Variants in CHST9 observed in about 807,000 individuals in gnomAD.
The protein encoded by CHST9 is GalNAc-4-sulfotransferase 2.
In CHST9, 41 loss-of-function variants were observed where a neutral mutation model predicts 44.4. The ratio of observed to expected loss-of-function variants is 0.92; its 90% CI spans 0.72 to 1.20. The LOEUF (loss-of-function observed/expected upper bound fraction) is 1.20, where lower values mean the gene tolerates loss of function less well. Among genes scored for constraint, CHST9 ranks in the 50% most tolerant of loss-of-function variants. The pLI is 0.00. For synonymous variants in CHST9, 171 were observed against 178.4 expected (o/e 0.96, Z 0.33); for missense variants, 504 against 516.5 (o/e 0.98, Z 0.23).
chr18:27,138,718 T>C (rs1426970545), intron 2 of CHST9, among the ~76,000 whole-genome samples: 3 of 152,146 alleles, frequency 2.0e-5, no homozygotes, highest in African/African-American at 7.2e-5. Context: ...CCTTTAATCT[T>C]CACTGCAACC....
At chr18:26,971,175 T>A (rs1175101565) in intron 4 of CHST9, among the ~76,000 whole-genome samples, 2 of 152,160 alleles carry the variant, frequency 1.3e-5, no homozygotes, top group Non-Finnish European at 2.9e-5. Context: ...CAGTGGCTTA[T>A]TCCTCTGGGG....
At chr18:27,112,480 T>C (rs773426521) in intron 2 of CHST9, among the ~76,000 whole-genome samples, 26 of 152,154 alleles carry the variant, frequency 1.7e-4, no homozygotes, top group East Asian at 7.7e-4. Context: ...TAAGTACTTA[T>C]GTGTGGAATT....
At chr18:27,042,023 G>T (rs546308737) in intron 3 of CHST9, among the ~76,000 whole-genome samples, 1 of 152,196 alleles carries the variant, frequency 6.6e-6, no homozygotes, top group African/African-American at 2.4e-5. Context: ...CTTCAGGAAA[G>T]CTGCTTAAAA....
chr18:27,062,084 G>C (rs2057728953), intron 2 of CHST9, among the ~76,000 whole-genome samples: 2 of 152,098 alleles, frequency 1.3e-5, no homozygotes. Context: ...CTCTCTTACT[G>C]AAGCTGCACT....
chr18:27,017,257 TA>T (rs996852173), intron 4 of CHST9, among the ~76,000 whole-genome samples: 4 of 152,198 alleles, frequency 2.6e-5, no homozygotes, highest in Admixed American at 2.0e-4. Context: ...TCTTGGGACA[TA>T]ACCCCATCAT....
chr18:27,062,503 C>A (rs1187911713), intron 2 of CHST9, among the ~76,000 whole-genome samples: 5 of 152,098 alleles, frequency 3.3e-5, no homozygotes, highest in Admixed American at 6.5e-5. Context: ...ATCCTTTTTT[C>A]TGGCTGCATA....
intron 2 of CHST9, among the ~76,000 whole-genome samples, chr18:27,054,433 C>A (rs2057627517): frequency 6.6e-6 from 1 of 152,054 alleles, no homozygotes; most frequent in African/African-American, 2.4e-5. Context: ...AAAAATGGAC[C>A]ATAACCTCAT....
chr18:26,927,887 A>G (rs2055801107), intron 5 of CHST9, among the ~76,000 whole-genome samples: 1 of 152,164 alleles, frequency 6.6e-6, no homozygotes, highest in African/African-American at 2.4e-5. Flanking sequence ...AGACTATCAC[A>G]TGGGGAGAAA....
At chr18:27,092,931 G>A (rs918826459) in intron 2 of CHST9, among the ~76,000 whole-genome samples, 1 of 152,316 alleles carries the variant, frequency 6.6e-6, no homozygotes, top group East Asian at 1.9e-4. Flanking sequence ...GTTGATTTGG[G>A]GTGGAGAGTT....
intron 2 of CHST9, among the ~76,000 whole-genome samples, chr18:27,138,573 G>C (rs1292368618): frequency 1.3e-5 from 2 of 152,134 alleles, no homozygotes; most frequent in Non-Finnish European, 2.9e-5. Flanking sequence ...TTGTGGCTGA[G>C]TTTTAATTGT....
intron 2 of CHST9, among the ~76,000 whole-genome samples, chr18:27,057,319 T>G (rs746140829): frequency 6.6e-6 from 1 of 152,204 alleles, no homozygotes; most frequent in African/African-American, 2.4e-5. Context: ...CTGGGCCAAT[T>G]TGAAAACCAA....
At chr18:27,034,259 T>G (rs565354268) in intron 3 of CHST9, among the ~76,000 whole-genome samples, 1 of 152,334 alleles carries the variant, frequency 6.6e-6, no homozygotes, top group South Asian at 2.1e-4. Context: ...TGTTTTCGTA[T>G]CCTTCCACAT....
chr18:27,002,594 T>C (rs2056966983), intron 4 of CHST9, among the ~76,000 whole-genome samples: 1 of 152,212 alleles, frequency 6.6e-6, no homozygotes, highest in Non-Finnish European at 1.5e-5. Flanking sequence ...TTAGATGATT[T>C]TGCCTAACTG....
In CHST9 at chr18:26,916,754, A is replaced by G; in HGVS notation, c.837T>C (p.Val279=). The G allele has an allele frequency of 6.2e-7, 1 of 1,613,928 alleles. No individual in the cohort carries two copies. The highest frequency in any genetic ancestry group is 8.5e-7 in the Non-Finnish European group (1 of 1,179,840). Reference sequence around the variant, plus strand: ...ATACTAATCTTTCCATGGGATCACGAACAAACACAGCTTTGGTGTAAGTAT... The same window carrying G: ...ATACTAATCTTTCCATGGGATCACGGACAAACACAGCTTTGGTGTAAGTAT... ...RLNTYTKAVF[V]RDPMERLVSA... is the part of the protein sequence containing the mutation. The change falls in exon 6 of 6, where the codon GTT becomes GTC. Residue 279 remains valine (V), a synonymous_variant. Coordinates refer to ENST00000618847, the MANE Select transcript of CHST9 (RefSeq NM_031422.6).
At position 27,058,049 on chromosome 18, in the gene CHST9, G is replaced by A. The variant is rs551786291; in HGVS notation, c.122-9546C>T. Among the ~76,000 whole-genome samples the A allele has an allele frequency of 9.9e-4, 150 of 152,272 alleles. 2 individuals are homozygous for A. Among genetic ancestry groups the A allele is most frequent in the Non-Finnish European group, 1.9e-3 (127 of 68,018 alleles). ...TCTCATTCTGAGGCAGTCATTTCTT[G>A]GCAGAGAAGATTTTTGGAAGACCTT... On this transcript the variant is annotated intron_variant, in intron 2 of 5. Coordinates refer to ENST00000618847, the MANE Select transcript of CHST9 (RefSeq NM_031422.6).
chr18:27,045,058 A>C (rs940149858), intron 3 of CHST9, among the ~76,000 whole-genome samples: 3 of 152,052 alleles, frequency 2.0e-5, no homozygotes, highest in African/African-American at 4.8e-5. Flanking sequence ...AAAAAAAAAA[A>C]AAACCATTGT....
intron 1 of CHST9, among the ~76,000 whole-genome samples, chr18:27,159,558 G>C (rs1215948240): frequency 6.6e-6 from 1 of 152,138 alleles, no homozygotes; most frequent in African/African-American, 2.4e-5. Context: ...CTCCAGCTTT[G>C]TTCTTTTGGC....
At chr18:27,026,129 G>A (rs767166616) in intron 3 of CHST9, among the ~76,000 whole-genome samples, 1 of 152,148 alleles carries the variant, frequency 6.6e-6, no homozygotes, top group Non-Finnish European at 1.5e-5. Flanking sequence ...TCTCCATGAT[G>A]GCTCAAATAT....
intron 2 of CHST9, among the ~76,000 whole-genome samples, chr18:27,078,558 A>G (rs1446976509): frequency 6.6e-6 from 1 of 152,158 alleles, no homozygotes; most frequent in Admixed American, 6.5e-5. Flanking sequence ...GGTAGATACT[A>G]TTTTATTACA....
Sources: gnomAD v4.1 joint callset for allele counts (sites outside exome capture counted in the v4.1 genomes callset) on GRCh38, gnomAD v4.1.1 for gene constraint, MANE v1.5 for transcripts, NCBI Gene and HGNC (gene_info 2026-07-23, HGNC 2026-07-21) for gene names.